Variants in EVL observed in about 807,000 individuals in gnomAD.
EVL encodes the protein Enah/Vasp-like.
In EVL, 21 loss-of-function variants were observed where a neutral mutation model predicts 59.6. That is an observed-to-expected ratio of 0.35 (90% CI 0.25 to 0.51). EVL has a LOEUF of 0.51. EVL is among the 20% of genes least tolerant of loss of function. The probability of loss-of-function intolerance (pLI) is 0.97; values close to 1 mark genes in which losing one functional copy is unlikely to be tolerated. For missense variants in EVL, 462 were observed against 546.6 expected (o/e 0.85, Z 1.54); for synonymous variants, 198 against 203.5 (o/e 0.97, Z 0.23).
chr14:100,027,681 C>G (rs2061237125), intron 1 of EVL, among the ~76,000 whole-genome samples: 3 of 151,504 alleles, frequency 2.0e-5, no homozygotes. Context: ...TGATTTGTAT[C>G]TTTTTTTTGT....
chr14:100,071,196 T>C (rs117980080), intron 1 of EVL, among the ~76,000 whole-genome samples: 4,397 of 152,298 alleles, frequency 0.029, 91 homozygotes, highest in Non-Finnish European at 0.042. Flanking sequence ...GGTTTAACAC[T>C]GAATGTAGAC....
chr14:99,999,971 T>TTTGC (rs1384450830), intron 1 of EVL, among the ~76,000 whole-genome samples: 4 of 152,244 alleles, frequency 2.6e-5, no homozygotes, highest in Admixed American at 1.3e-4. Flanking sequence ...GTGCTTTTTG[T>TTTGC]TTGCTTGCTT....
At position 100,055,155 on chromosome 14, in the gene EVL, C is replaced by T. The variant is rs112346491; in HGVS notation, c.6-29532C>T. ...GGGAGGTTGCCGTGAGCTGAGATCG[C>T]ACCATTGCACTCCAGCCTGGGCGAC... is the stretch of plus-strand genomic sequence containing the variant. On this transcript the variant is annotated intron_variant, in intron 1 of 13. Transcript: ENST00000402714. Among the ~76,000 whole-genome samples, 11 of 150,806 alleles carry T rather than the reference C, an allele frequency of 7.3e-5. 1 individual carries two copies. Among genetic ancestry groups the T allele is most frequent in the African/African-American group, 2.7e-4 (11 of 40,916 alleles).
chr14:100,141,515 G>GT, intron 12 of EVL, among the ~76,000 whole-genome samples: 1 of 152,324 alleles, frequency 6.6e-6, no homozygotes, highest in East Asian at 1.9e-4. Flanking sequence ...GAAGCCCTTA[G>GT]TTTCAGTGGC....
chr14:100,115,502 C>CA (rs1346459756), intron 3 of EVL, among the ~76,000 whole-genome samples: 1 of 152,258 alleles, frequency 6.6e-6, no homozygotes, highest in African/African-American at 2.4e-5. Context: ...TGGCCCTGGT[C>CA]AGTCCCCCAC....
rs755399246 is a variant in EVL, at chr14:100,128,578, G to A, written c.547G>A (p.Gly183Arg). The part of the protein sequence containing the change: ...SAASAPVSCS[G>R]PPPPPPPPVP... ...AGCCAGCGCCCCCGTCTCATGTAGTGGGCCTCCACCGCCCCCCCCACCCCC... is the reference window on the plus strand; with the variant it reads ...AGCCAGCGCCCCCGTCTCATGTAGTAGGCCTCCACCGCCCCCCCCACCCCC... The change falls in exon 6 of 14, where the codon GGG becomes AGG. Residue 183 changes from glycine to arginine, a missense_variant. Physicochemically the swap from Gly to Arg is moderately radical, Grantham distance 125. Coordinates refer to ENST00000392920, the MANE Select transcript of EVL (RefSeq NM_016337.3). 1 of 1,605,790 alleles carries A rather than the reference G, an allele frequency of 6.2e-7. No homozygotes were observed. The highest frequency in any genetic ancestry group is 1.7e-5 in the Admixed American group (1 of 59,848).
At chr14:100,124,518 A>C (rs1175123540) in intron 4 of EVL, among the ~76,000 whole-genome samples, 1 of 151,918 alleles carries the variant, frequency 6.6e-6, no homozygotes, top group Non-Finnish European at 1.5e-5. Flanking sequence ...TCACCCACTC[A>C]CCCTCAGGGC....
intron 3 of EVL, among the ~76,000 whole-genome samples, chr14:100,098,247 C>T (rs1304245803): frequency 6.6e-6 from 1 of 152,138 alleles, no homozygotes; most frequent in Non-Finnish European, 1.5e-5. Context: ...CCTTCAGAGC[C>T]GCCAAGGGAG....
intron 1 of EVL, among the ~76,000 whole-genome samples, chr14:100,038,210 A>G (rs2061415485): frequency 6.6e-6 from 1 of 152,238 alleles, no homozygotes; most frequent in Admixed American, 6.5e-5. Context: ...GGCCATGTCT[A>G]TAGAATTAAG....
chr14:100,096,511 G>T (rs1450818585), intron 2 of EVL, among the ~76,000 whole-genome samples: 1 of 152,118 alleles, frequency 6.6e-6, no homozygotes, highest in Non-Finnish European at 1.5e-5. Context: ...CTGTGAGGGT[G>T]CCATGCCATA....
intron 1 of EVL, among the ~76,000 whole-genome samples, chr14:100,002,473 G>A (rs2060951914): frequency 6.6e-6 from 1 of 152,076 alleles, no homozygotes; most frequent in Admixed American, 6.6e-5. Context: ...TAGGCACTAA[G>A]TCATACCAGA....
At chr14:100,116,069 T>C (rs983741355) in intron 3 of EVL, among the ~76,000 whole-genome samples, 1 of 152,190 alleles carries the variant, frequency 6.6e-6, no homozygotes, top group African/African-American at 2.4e-5. Context: ...GTAAAGATAG[T>C]GGCCAGACCA....
At chr14:100,057,363 C>G (rs964967722) in intron 1 of EVL, among the ~76,000 whole-genome samples, 9 of 152,196 alleles carry the variant, frequency 5.9e-5, no homozygotes, top group African/African-American at 2.2e-4. Flanking sequence ...ATTACAGTCC[C>G]CCTAAGAGAC....
At chr14:100,064,487 A>G (rs1308379512), upstream of EVL, among the ~76,000 whole-genome samples, 1 of 152,260 alleles carries the variant, frequency 6.6e-6, no homozygotes, top group Non-Finnish European at 1.5e-5. Context: ...TAAACAAGTG[A>G]CAAAGCCAAG....
At chr14:100,043,257 G>A (rs957609944) in intron 1 of EVL, among the ~76,000 whole-genome samples, 2 of 151,088 alleles carry the variant, frequency 1.3e-5, no homozygotes, top group Non-Finnish European at 2.9e-5. Flanking sequence ...ATATATATAT[G>A]TGTGTGTGTA....
chr14:100,087,768 G>A (rs1049190420), intron 2 of EVL, among the ~76,000 whole-genome samples: 1 of 151,984 alleles, frequency 6.6e-6, no homozygotes, highest in Non-Finnish European at 1.5e-5. Context: ...CTGCAGTCCT[G>A]CTCTGCTCTG....
At chr14:100,002,479 C>T (rs2060951989) in intron 1 of EVL, among the ~76,000 whole-genome samples, 1 of 152,026 alleles carries the variant, frequency 6.6e-6, no homozygotes, top group Non-Finnish European at 1.5e-5. Flanking sequence ...CTAAGTCATA[C>T]CAGAATTATA....
chr14:100,137,330 A>T (rs1455417097), intron 9 of EVL: 3 of 555,642 alleles, frequency 5.4e-6, no homozygotes, highest in Non-Finnish European at 9.7e-6. Flanking sequence ...CAGCAGGCTC[A>T]CATTCCAGAG....
intron 3 of EVL, among the ~76,000 whole-genome samples, chr14:100,120,048 A>G (rs1258056024): frequency 1.3e-5 from 2 of 152,200 alleles, no homozygotes; most frequent in Non-Finnish European, 2.9e-5. Flanking sequence ...GCCCTGAGAA[A>G]AAGGCTGGGT....
Sources: allele counts gnomAD v4.1 joint callset (sites outside exome capture counted in the v4.1 genomes callset), GRCh38; gene constraint gnomAD v4.1.1; transcripts MANE v1.5; gene names NCBI Gene and HGNC (gene_info 2026-07-23, HGNC 2026-07-21).